SAV1: variants seen among roughly 807,000 people sequenced by gnomAD.
The protein encoded by SAV1 is salvador family WW domain containing protein 1.
Under a neutral mutation model 47.3 loss-of-function variants are expected in SAV1, and 23 were observed. The ratio of observed to expected loss-of-function variants is 0.49; its 90% CI spans 0.35 to 0.69. The LOEUF (loss-of-function observed/expected upper bound fraction) is 0.69. SAV1 is among the 30% of genes least tolerant of loss of function. The pLI is 0.01. For synonymous variants in SAV1, 155 were observed against 159.2 expected (o/e 0.97, Z 0.20); for missense variants, 448 against 457.4 (o/e 0.98, Z 0.19).
intron 2 of SAV1, among the ~76,000 whole-genome samples, chr14:50,650,416 T>C (rs189091470): frequency 6.6e-6 from 1 of 152,308 alleles, no homozygotes; most frequent in Non-Finnish European, 1.5e-5. Context: ...GTCTGGACAG[T>C]ACACCACCAT....
chr14:50,658,920 T>C (rs1191406899), intron 2 of SAV1, among the ~76,000 whole-genome samples: 1 of 152,202 alleles, frequency 6.6e-6, no homozygotes, highest in Non-Finnish European at 1.5e-5. Context: ...TAATTGGTTA[T>C]TAATCTTTCC....
chr14:50,642,786 T>C (rs2039690930), intron 3 of SAV1, among the ~76,000 whole-genome samples: 3 of 152,218 alleles, frequency 2.0e-5, no homozygotes, highest in Admixed American at 1.3e-4. Context: ...AATATGCAAA[T>C]GGAACTGAAT....
chr14:50,647,580 A>G (rs1194707119), intron 2 of SAV1, among the ~76,000 whole-genome samples: 1 of 152,248 alleles, frequency 6.6e-6, no homozygotes, highest in South Asian at 2.1e-4. Flanking sequence ...AAACAAAAAC[A>G]GAAGAAGAAA....
intron 4 of SAV1, among the ~76,000 whole-genome samples, chr14:50,635,802 C>T (rs1342815216): frequency 1.3e-5 from 2 of 152,068 alleles, no homozygotes; most frequent in African/African-American, 2.4e-5. Flanking sequence ...CTCCGCCTCC[C>T]GGGTTCAAGC....
intron 2 of SAV1, among the ~76,000 whole-genome samples, chr14:50,655,096 T>C (rs2039801217): frequency 6.6e-6 from 1 of 152,186 alleles, no homozygotes; most frequent in African/African-American, 2.4e-5. Flanking sequence ...AAGTTTAATA[T>C]GTATAGTTTA....
intron 2 of SAV1, among the ~76,000 whole-genome samples, chr14:50,646,074 C>T (rs1385171925): frequency 6.6e-6 from 1 of 152,090 alleles, no homozygotes; most frequent in African/African-American, 2.4e-5. Flanking sequence ...TAGGAGTCCC[C>T]CCCTTATCCA....
At chr14:50,636,260 G>C (rs891201965) in intron 4 of SAV1, among the ~76,000 whole-genome samples, 1 of 152,062 alleles carries the variant, frequency 6.6e-6, no homozygotes, top group Non-Finnish European at 1.5e-5. Flanking sequence ...AAATGATAAT[G>C]CACAAAAATG....
chr14:50,660,298 TC>T (rs1199901590), intron 2 of SAV1, among the ~76,000 whole-genome samples: 2 of 152,172 alleles, frequency 1.3e-5, no homozygotes, highest in Non-Finnish European at 1.5e-5. Context: ...TGCCAAATCA[TC>T]TTTAAATATC....
intron 2 of SAV1, among the ~76,000 whole-genome samples, chr14:50,646,220 TAACA>T (rs1336775386): frequency 1.3e-5 from 2 of 152,106 alleles, no homozygotes; most frequent in East Asian, 3.9e-4. Context: ...AGTAAGGGAT[TAACA>T]AAAATAAAAT....
intron 2 of SAV1, among the ~76,000 whole-genome samples, chr14:50,662,087 C>T (rs750978080): frequency 1.8e-4 from 28 of 152,164 alleles, no homozygotes; most frequent in Non-Finnish European, 3.2e-4. Flanking sequence ...ATTCTTCTGA[C>T]CCATGAGCAT....
At chr14:50,662,183 T>C (rs570703824) in intron 2 of SAV1, among the ~76,000 whole-genome samples, 22 of 129,438 alleles carry the variant, frequency 1.7e-4, no homozygotes, top group South Asian at 9.7e-4. Context: ...TATTTATTTA[T>C]TTTGAGACGG....
chr14:50,652,355 T>A (rs980835617), intron 2 of SAV1, among the ~76,000 whole-genome samples: 4 of 152,230 alleles, frequency 2.6e-5, no homozygotes, highest in African/African-American at 9.6e-5. Context: ...TTCCCAGATA[T>A]GTCCATTGAA....
chr14:50,651,946 T>C (rs1019329107), intron 2 of SAV1, among the ~76,000 whole-genome samples: 2 of 152,182 alleles, frequency 1.3e-5, no homozygotes, highest in African/African-American at 4.8e-5. Context: ...GAGAATAAAT[T>C]GTACTTCCTC....
intron 2 of SAV1, chr14:50,662,590 C>T (rs979436252): frequency 3.3e-5 from 5 of 152,174 alleles, no homozygotes; most frequent in African/African-American, 1.2e-4. Flanking sequence ...GAAAAATTAT[C>T]TCAAATTGCT....
In SAV1 at chr14:50,643,516, C is replaced by T. The variant is rs11847189; in HGVS notation, c.806+1228G>A. On this transcript the variant is annotated intron_variant, in intron 3 of 4. Transcript: ENST00000324679. ...GGAAATGGCCCCCATGATTCAATCA[C>T]TTCCCACCAGGTCCCTCCCTTGATA... Among the ~76,000 whole-genome samples, 1,187 of 152,326 alleles carry T rather than the reference C, an allele frequency of 7.8e-3. 21 individuals are homozygous for T. Among genetic ancestry groups the T allele is most frequent in the African/African-American group, 0.027 (1,108 of 41,564 alleles).
At chr14:50,635,440 C>G (rs1189785621) in intron 4 of SAV1, 56 bp from the exon 5 acceptor site, 3 of 1,335,884 alleles carry the variant, frequency 2.2e-6, no homozygotes, top group Non-Finnish European at 3.2e-6. Context: ...ACATGTATTT[C>G]TAGCAAGAAA....
chr14:50,665,109 G>A, intron 2 of SAV1, 70 bp downstream of exon 2: 4 of 1,463,282 alleles, frequency 2.7e-6, no homozygotes, highest in Non-Finnish European at 3.6e-6. Context: ...AGAAAATCTA[G>A]AAAAGAACAT....
In SAV1 at chr14:50,635,181, G is replaced by A; in HGVS notation, c.*2C>T. On this transcript the variant is annotated 3_prime_UTR_variant, in exon 5 of 5. Transcript: ENST00000324679. The stretch of plus-strand genomic sequence containing the variant: ...CAAAACTTAAATTTTTAAAAAATCA[G>A]CTCAAAAATTTTTTCCATGTTGTTG... The A allele has an allele frequency of 8.7e-6, 14 of 1,609,664 alleles. No homozygotes were observed. The highest frequency in any genetic ancestry group is 1.2e-5 in the Non-Finnish European group (14 of 1,178,466).
chr14:50,658,854 T>C (rs1244578822), intron 2 of SAV1, among the ~76,000 whole-genome samples: 1 of 152,204 alleles, frequency 6.6e-6, no homozygotes, highest in Non-Finnish European at 1.5e-5. Context: ...TACTGTCTCA[T>C]ATTCAGATTT....
Sources: allele counts gnomAD v4.1 joint callset (sites outside exome capture counted in the v4.1 genomes callset), GRCh38; gene constraint gnomAD v4.1.1; transcripts MANE v1.5; gene names NCBI Gene and HGNC (gene_info 2026-07-23, HGNC 2026-07-21).